EPB41: variants seen among roughly 807,000 people sequenced by gnomAD.
The protein encoded by EPB41 is erythrocyte membrane protein band 4.1.
In EPB41, 65 loss-of-function variants were observed where a neutral mutation model predicts 108.0. The ratio of observed to expected loss-of-function variants is 0.60; its 90% CI spans 0.49 to 0.74. EPB41 has a LOEUF of 0.74. Ranked by LOEUF, EPB41 falls within the 30% of genes least tolerant of loss-of-function variation. EPB41 has a pLI of 0.00. For missense variants in EPB41, 875 were observed against 1,037.0 expected (o/e 0.84, Z 2.15); for synonymous variants, 336 against 358.9 (o/e 0.94, Z 0.72).
At chr1:29,013,006 A>G (rs544180302) in intron 5 of EPB41, among the ~76,000 whole-genome samples, 4 of 151,170 alleles carry the variant, frequency 2.6e-5, no homozygotes, top group East Asian at 1.9e-4. Context: ...TTTAAGAGAA[A>G]AAGTTAACAG....
chr1:29,064,832 T>G, intron 15 of EPB41, 150 bp from the exon 16 acceptor site: 1 of 970,336 alleles, frequency 1.0e-6, no homozygotes, highest in Non-Finnish European at 1.5e-6. Flanking sequence ...ATATACCATG[T>G]TGTATATTTA....
intron 15 of EPB41, among the ~76,000 whole-genome samples, chr1:29,061,016 G>A (rs1234162553): frequency 6.6e-6 from 1 of 151,904 alleles, no homozygotes; most frequent in East Asian, 1.9e-4. Context: ...ACTATAAGAT[G>A]GTTTAATCAT....
chr1:29,098,225 C>T (rs1327491042), intron 17 of EPB41, among the ~76,000 whole-genome samples: 2 of 152,032 alleles, frequency 1.3e-5, no homozygotes, highest in South Asian at 2.1e-4. Flanking sequence ...GACAGAGTCT[C>T]GCTCTGTCGC....
At chr1:29,107,318 A>C (rs1235333772) in intron 17 of EPB41, among the ~76,000 whole-genome samples, 1 of 152,214 alleles carries the variant, frequency 6.6e-6, no homozygotes. Flanking sequence ...GACTTCAAAC[A>C]GGGAGTTTCT....
intron 17 of EPB41, among the ~76,000 whole-genome samples, chr1:29,098,805 G>T (rs539985109): frequency 6.6e-6 from 1 of 151,598 alleles, no homozygotes; most frequent in East Asian, 2.0e-4. Flanking sequence ...GTGCAGTGGC[G>T]TGATGATCTC....
intron 1 of EPB41, among the ~76,000 whole-genome samples, chr1:28,944,533 G>GTTT (rs1557761714): frequency 1.9e-5 from 2 of 106,618 alleles, no homozygotes; most frequent in African/African-American, 7.8e-5. Context: ...TCTCAGATCT[G>GTTT]GTTTTTTTTT....
intron 11 of EPB41, among the ~76,000 whole-genome samples, chr1:29,040,977 A>G (rs1454133567): frequency 6.6e-6 from 1 of 151,870 alleles, no homozygotes; most frequent in Admixed American, 6.6e-5. Flanking sequence ...CTCTAGTAAA[A>G]ATACAAAAAT....
At chr1:29,106,564 A>ATTTTTT (rs1187973613) in intron 17 of EPB41, among the ~76,000 whole-genome samples, 3,246 of 50,828 alleles carry the variant, frequency 0.064, 1,005 homozygotes, top group African/African-American at 0.09. Flanking sequence ...AGTAGCTGGG[A>ATTTTTT]TTTTTTTTTT....
chr1:29,072,321 A>C (rs1651869377), intron 16 of EPB41: 1 of 152,218 alleles, frequency 6.6e-6, no homozygotes, highest in Non-Finnish European at 1.5e-5. Context: ...TAAAGATACA[A>C]GAGTTTCCCT....
At chr1:29,040,764 A>G (rs1161744964) in intron 11 of EPB41, among the ~76,000 whole-genome samples, 1 of 152,204 alleles carries the variant, frequency 6.6e-6, no homozygotes, top group Non-Finnish European at 1.5e-5. Context: ...CTTCTAAGTT[A>G]GCATTTGAGC....
intron 16 of EPB41, chr1:29,069,086 C>T: frequency 9.4e-7 from 1 of 1,062,102 alleles, no homozygotes; most frequent in East Asian, 3.2e-5. Context: ...TGTTGTCTTT[C>T]TTCTCCCACT....
intron 4 of EPB41, among the ~76,000 whole-genome samples, chr1:29,001,908 A>C (rs2096300996): frequency 6.6e-6 from 1 of 152,072 alleles, no homozygotes; most frequent in Non-Finnish European, 1.5e-5. Context: ...TGATTTCCTA[A>C]AGAATGTTAA....
chr1:29,039,170 A>G (rs1447072446), intron 10 of EPB41, 84 bp from the exon 11 acceptor site: 3 of 1,436,678 alleles, frequency 2.1e-6, no homozygotes, highest in African/African-American at 2.9e-5. Context: ...AAACTTTTTT[A>G]TTCTTGATTT....
In EPB41 at chr1:28,890,491, G is replaced by T. The variant is rs115109321; in HGVS notation, c.-8+3281G>T. Among the ~76,000 whole-genome samples the T allele has an allele frequency of 9.2e-3, 1,402 of 152,190 alleles. 8 individuals are homozygous for T. The highest frequency in any genetic ancestry group is 0.015 in the Admixed American group (233 of 15,282). On this transcript the variant is annotated intron_variant, in intron 1 of 16. Coordinates refer to the EPB41 transcript ENST00000347529. ...GGGTCTTCCAGCGCCTATTACTATAGCCTCGGGACCTAGTTTGGGACTTAG... is the reference window on the plus strand; with the variant it reads ...GGGTCTTCCAGCGCCTATTACTATATCCTCGGGACCTAGTTTGGGACTTAG...
intron 1 of EPB41, chr1:28,890,852 G>T: frequency 1.1e-6 from 1 of 924,092 alleles, no homozygotes; most frequent in South Asian, 5.0e-5. Context: ...AACTAAGAGT[G>T]GGAGCCTCCA....
At chr1:28,989,016 A>G (rs955016867) in intron 2 of EPB41, among the ~76,000 whole-genome samples, 3 of 152,256 alleles carry the variant, frequency 2.0e-5, no homozygotes, top group Non-Finnish European at 4.4e-5. Flanking sequence ...TGGAATTATT[A>G]GGAACAGGAC....
At chr1:28,995,540 G>A (rs946156422) in intron 3 of EPB41, among the ~76,000 whole-genome samples, 9 of 152,262 alleles carry the variant, frequency 5.9e-5, no homozygotes, top group African/African-American at 1.4e-4. Flanking sequence ...CCAGCCTGGC[G>A]ACAGAGTGAG....
At chr1:29,015,259 A>T (rs1374183194) in intron 5 of EPB41, among the ~76,000 whole-genome samples, 1 of 150,568 alleles carries the variant, frequency 6.6e-6, no homozygotes, top group African/African-American at 2.4e-5. Flanking sequence ...ATGTATTAAT[A>T]TAAAAAGAGA....
intron 1 of EPB41, among the ~76,000 whole-genome samples, chr1:28,898,284 C>T (rs2090929172): frequency 6.6e-6 from 1 of 152,114 alleles, no homozygotes; most frequent in African/African-American, 2.4e-5. Context: ...CATGCTGCTC[C>T]TCCCCTTGAG....
Sources: gnomAD v4.1 joint callset for allele counts (sites outside exome capture counted in the v4.1 genomes callset) on GRCh38, gnomAD v4.1.1 for gene constraint, MANE v1.5 for transcripts, NCBI Gene and HGNC (gene_info 2026-07-23, HGNC 2026-07-21) for gene names.